The following INPP4B variants were observed in gnomAD, a reference collection of about 807,000 sequenced individuals.
INPP4B encodes the protein inositol polyphosphate 4-phosphatase type II.
In INPP4B, 55 loss-of-function variants were observed where a neutral mutation model predicts 122.5. The observed-to-expected ratio is 0.45, with a 90% CI of 0.36 to 0.56. INPP4B has a LOEUF of 0.56. Among genes scored for constraint, INPP4B ranks in the 20% least tolerant of loss-of-function variants. INPP4B has a pLI of 0.00. For synonymous variants in INPP4B, 403 were observed against 388.7 expected, an observed-to-expected ratio of 1.04 and a Z score of -0.43; for missense variants, 1,000 against 1,097.7, an observed-to-expected ratio of 0.91 and a Z score of 1.26.
intron 1 of INPP4B, among the ~76,000 whole-genome samples, chr4:142,826,950 A>G (rs1781529059): frequency 6.6e-6 from 1 of 152,304 alleles, no homozygotes; most frequent in African/African-American, 2.4e-5. Context: ...CCACAGGCCT[A>G]TTGGTGCCTT....
chr4:142,530,680 T>G (rs986992523), intron 2 of INPP4B, among the ~76,000 whole-genome samples: 1 of 151,926 alleles, frequency 6.6e-6, no homozygotes, highest in African/African-American at 2.4e-5. Context: ...GATAGGGTGT[T>G]CATCATAGGT....
chr4:142,221,588 T>A (rs747679383), intron 12 of INPP4B, among the ~76,000 whole-genome samples: 1 of 150,612 alleles, frequency 6.6e-6, no homozygotes, highest in Non-Finnish European at 1.5e-5. Context: ...TAAACTCCAA[T>A]GGGCCATAAG....
chr4:142,451,076 T>A (rs944982593), intron 3 of INPP4B, among the ~76,000 whole-genome samples: 4 of 151,812 alleles, frequency 2.6e-5, no homozygotes, highest in Non-Finnish European at 5.9e-5. Context: ...ATAGGTGTAT[T>A]TATGATCTTA....
chr4:142,124,498 G>A (rs1399500869), intron 19 of INPP4B, 90 bp downstream of exon 19: 1 of 1,170,052 alleles, frequency 8.5e-7, no homozygotes, highest in Non-Finnish European at 1.2e-6. Context: ...TAAAAATAAA[G>A]CTGTCCCAAT....
chr4:142,486,813 T>C (rs1580187537), intron 2 of INPP4B, among the ~76,000 whole-genome samples: 1 of 152,322 alleles, frequency 6.6e-6, no homozygotes, highest in Non-Finnish European at 1.5e-5. Context: ...CATAGGTTTA[T>C]CCAGTTGTTC....
At chr4:142,239,316 A>G (rs1858126787) in intron 11 of INPP4B, among the ~76,000 whole-genome samples, 1 of 152,168 alleles carries the variant, frequency 6.6e-6, no homozygotes, top group African/African-American at 2.4e-5. Flanking sequence ...CGTCCTGCCA[A>G]GAATTAGAGT....
At chr4:142,664,708 T>TA (rs1755726226) in intron 2 of INPP4B, among the ~76,000 whole-genome samples, 3 of 152,168 alleles carry the variant, frequency 2.0e-5, no homozygotes, top group Admixed American at 1.3e-4. Flanking sequence ...TAATAAAATA[T>TA]AAAAAACAGA....
chr4:142,079,499 C>A (rs1772696163), intron 25 of INPP4B, among the ~76,000 whole-genome samples: 1 of 152,018 alleles, frequency 6.6e-6, no homozygotes, highest in Non-Finnish European at 1.5e-5. Context: ...CCCCAGTAAT[C>A]AATCAGCATT....
chr4:142,661,365 T>A lies in INPP4B; in HGVS notation c.-191+64474A>T, dbSNP rs11728024. Among the ~76,000 whole-genome samples, 279 of 152,336 alleles carry A rather than the reference T, an allele frequency of 1.8e-3. 1 individual carries two copies. The highest frequency in any genetic ancestry group is 3.1e-3 in the Non-Finnish European group (213 of 68,028). ...ACATGCCAACTATAACCACCGATTG[T>A]TTGTATTCTGCAGGAGAAGAGCACA... On this transcript the variant is annotated intron_variant, in intron 2 of 25. Transcript: ENST00000262992.
intron 10 of INPP4B, among the ~76,000 whole-genome samples, chr4:142,268,649 C>A (rs185614494): frequency 7.7e-4 from 117 of 152,098 alleles, no homozygotes; most frequent in African/African-American, 2.7e-3. Context: ...GTGGTATATA[C>A]CACAATAAAA....
At chr4:142,044,303 G>A (rs914793360) in intron 25 of INPP4B, among the ~76,000 whole-genome samples, 2 of 152,022 alleles carry the variant, frequency 1.3e-5, no homozygotes, top group South Asian at 2.1e-4. Context: ...AAGGGTGGAG[G>A]GCAAAACTGG....
chr4:142,332,247 G>GA lies in INPP4B; in HGVS notation c.373-17486dup, dbSNP rs1774797620. On this transcript the variant is annotated intron_variant, in intron 7 of 25. Transcript: ENST00000262992. ...TCAGATGATTTTATTTTTTAAAAAA[G>GA]AAAAAATATATGACACTATAATGAG... Among the ~76,000 whole-genome samples, 3 of 151,924 alleles carry GA rather than the reference G, an allele frequency of 2.0e-5. No homozygotes were observed. The South Asian group carries it at 6.2e-4, about 32-fold the overall frequency.
At chr4:142,207,643 A>G (rs958668952) in intron 14 of INPP4B, among the ~76,000 whole-genome samples, 2 of 152,162 alleles carry the variant, frequency 1.3e-5, no homozygotes, top group Non-Finnish European at 2.9e-5. Flanking sequence ...TTAAGAAGGA[A>G]AGGAAGCGAG....
chr4:142,214,678 AT>A (rs1846300936), intron 12 of INPP4B, among the ~76,000 whole-genome samples: 1 of 152,038 alleles, frequency 6.6e-6, no homozygotes, highest in African/African-American at 2.4e-5. Flanking sequence ...TCAGCCTACC[AT>A]GTAGCTGGGA....
intron 2 of INPP4B, among the ~76,000 whole-genome samples, chr4:142,619,965 C>A (rs2045321826): frequency 6.6e-6 from 1 of 152,054 alleles, no homozygotes; most frequent in East Asian, 1.9e-4. Flanking sequence ...AGTAGTAGGA[C>A]TAATTTAACC....
chr4:142,835,726 T>A (rs968611151), intron 1 of INPP4B, among the ~76,000 whole-genome samples: 7 of 152,244 alleles, frequency 4.6e-5, no homozygotes, highest in Admixed American at 3.3e-4. Flanking sequence ...TTATGACACC[T>A]GAGTGAGCTG....
At chr4:142,546,978 T>A (rs1466113043) in intron 2 of INPP4B, among the ~76,000 whole-genome samples, 1 of 152,170 alleles carries the variant, frequency 6.6e-6, no homozygotes, top group Non-Finnish European at 1.5e-5. Context: ...TATGATAATA[T>A]AAATTATTTT....
chr4:142,702,936 G>T (rs1192344005), intron 2 of INPP4B, among the ~76,000 whole-genome samples: 1 of 152,128 alleles, frequency 6.6e-6, no homozygotes, highest in Non-Finnish European at 1.5e-5. Flanking sequence ...TCATGTTGAA[G>T]AAAAACTAGT....
At chr4:142,422,589 G>A (rs1215286464) in intron 5 of INPP4B, among the ~76,000 whole-genome samples, 1 of 151,964 alleles carries the variant, frequency 6.6e-6, no homozygotes, top group Non-Finnish European at 1.5e-5. Flanking sequence ...AGATTCACTG[G>A]AGCCCAAGAG....
Sources: gnomAD v4.1 joint callset for allele counts (sites outside exome capture counted in the v4.1 genomes callset) on GRCh38, gnomAD v4.1.1 for gene constraint, MANE v1.5 for transcripts, NCBI Gene and HGNC (gene_info 2026-07-23, HGNC 2026-07-21) for gene names.